The following HDAC9 variants were observed in gnomAD, a reference collection of about 807,000 sequenced individuals.
HDAC9 encodes histone deacetylase 9.
HDAC9 carries 41 observed loss-of-function variants against 139.4 expected under a neutral mutation model. That is an observed-to-expected ratio of 0.29 (90% confidence interval 0.23 to 0.38). The LOEUF (loss-of-function observed/expected upper bound fraction) is 0.38. Ranked by LOEUF, HDAC9 falls within the 10% of genes least tolerant of loss-of-function variation. The pLI is 1.00. For synonymous variants in HDAC9, 517 were observed against 476.2 expected (o/e 1.09, Z -1.12); for missense variants, 1,147 against 1,297.0 (o/e 0.88, Z 1.78).
intron 1 of HDAC9, among the ~76,000 whole-genome samples, chr7:18,120,920 T>C (rs1784330744): frequency 6.6e-6 from 1 of 152,126 alleles, no homozygotes. Flanking sequence ...AGGATGAGAG[T>C]TTACTTCCAC....
At chr7:18,742,593 T>A (rs1277880406) in intron 13 of HDAC9, among the ~76,000 whole-genome samples, 1 of 152,180 alleles carries the variant, frequency 6.6e-6, no homozygotes, top group Admixed American at 6.5e-5. Context: ...ATGTCCCAGG[T>A]ATTCCTGTAT....
At position 18,935,883 on chromosome 7, in the gene HDAC9, G is replaced by T. The variant is rs866142619; in HGVS notation, c.2878G>T (p.Asp960Tyr). The T allele has an allele frequency of 1.9e-6, 3 of 1,613,798 alleles. No individual in the cohort carries two copies. Residue 960 changes from aspartate (D) to tyrosine (Y), a missense_variant, in exon 23 of 26, where the codon GAT becomes TAT. By Grantham distance (160) the Asp-to-Tyr change is radical (BLOSUM62 -3). Around this residue, in one of 7 missense-constraint regions of HDAC9, gnomAD observed 407 missense variants for 521.5 expected, o/e 0.78. Coordinates refer to ENST00000686413, the MANE Select transcript of HDAC9 (RefSeq NM_178425.4). ...RVVLALEGGH[D>Y]LTAICDASEA... ...GGTGTTGGCTCTAGAAGGAGGACAT[G>T]ATCTCACAGCCATCTGTGATGCATC...
At chr7:18,861,622 C>G (rs769344425) in intron 21 of HDAC9, among the ~76,000 whole-genome samples, 46 of 152,226 alleles carry the variant, frequency 3.0e-4, no homozygotes, top group Non-Finnish European at 4.9e-4. Context: ...ACTCTTAGCT[C>G]AGAGACACAT....
intron 17 of HDAC9, among the ~76,000 whole-genome samples, chr7:18,818,962 G>T (rs537938298): frequency 4.6e-5 from 7 of 152,030 alleles, no homozygotes; most frequent in African/African-American, 1.7e-4. Flanking sequence ...CATAGCAATA[G>T]ACTTAGTTTA....
chr7:18,184,807 C>T (rs974550030), intron 2 of HDAC9, among the ~76,000 whole-genome samples: 2 of 152,122 alleles, frequency 1.3e-5, no homozygotes, highest in Admixed American at 6.5e-5. Context: ...ATAGTTGTGT[C>T]AGATATTTTA....
At chr7:18,988,704 C>G (rs901025462) in intron 25 of HDAC9, among the ~76,000 whole-genome samples, 2 of 150,958 alleles carry the variant, frequency 1.3e-5, no homozygotes, top group Non-Finnish European at 3.0e-5. Flanking sequence ...GTCTAAGTCT[C>G]TTTGTAGGTC....
At chr7:18,172,442 C>T (rs1012849893) in intron 2 of HDAC9, among the ~76,000 whole-genome samples, 1 of 152,104 alleles carries the variant, frequency 6.6e-6, no homozygotes, top group Non-Finnish European at 1.5e-5. Flanking sequence ...TTTTATGTCT[C>T]TATCTCCTTC....
At chr7:18,580,997 A>G (rs1283179653) in intron 2 of HDAC9, among the ~76,000 whole-genome samples, 1 of 152,156 alleles carries the variant, frequency 6.6e-6, no homozygotes, top group Non-Finnish European at 1.5e-5. Context: ...CCCACAATGC[A>G]ATTAATGTTA....
chr7:18,766,903 A>C (rs1165454677), intron 15 of HDAC9, among the ~76,000 whole-genome samples: 2 of 152,142 alleles, frequency 1.3e-5, no homozygotes, highest in Non-Finnish European at 2.9e-5. Context: ...ATTTGCTTTT[A>C]GTTCTTATTT....
intron 1 of HDAC9, among the ~76,000 whole-genome samples, chr7:18,298,641 C>T (rs1234259006): frequency 6.6e-6 from 1 of 152,142 alleles, no homozygotes; most frequent in African/African-American, 2.4e-5. Flanking sequence ...AGATAATTTT[C>T]AAAAGTTTTT....
At chr7:18,465,087 T>C (rs1204450581) in intron 1 of HDAC9, among the ~76,000 whole-genome samples, 1 of 152,120 alleles carries the variant, frequency 6.6e-6, no homozygotes, top group Non-Finnish European at 1.5e-5. Flanking sequence ...TAGAGCTTTT[T>C]TAGTTCTTTC....
chr7:18,452,979 A>G (rs1267446218), intron 1 of HDAC9, among the ~76,000 whole-genome samples: 1 of 152,202 alleles, frequency 6.6e-6, no homozygotes, highest in African/African-American at 2.4e-5. Flanking sequence ...TCAAGGAAAC[A>G]ATAAAATGTT....
At chr7:18,256,865 A>G (rs1007999223) in intron 2 of HDAC9, among the ~76,000 whole-genome samples, 1 of 151,922 alleles carries the variant, frequency 6.6e-6, no homozygotes, top group Admixed American at 6.6e-5. Flanking sequence ...AGGTAGGGGG[A>G]TTGCTTGAGC....
intron 23 of HDAC9, among the ~76,000 whole-genome samples, chr7:18,941,064 C>T (rs957516772): frequency 3.3e-5 from 5 of 152,050 alleles, no homozygotes; most frequent in African/African-American, 1.2e-4. Flanking sequence ...TCCTCTAGTA[C>T]TGCAAGTTCA....
chr7:18,529,795 T>A (rs531322722), intron 2 of HDAC9, among the ~76,000 whole-genome samples: 24 of 152,306 alleles, frequency 1.6e-4, no homozygotes, highest in South Asian at 6.2e-4. Flanking sequence ...CCAATTTTTT[T>A]AAATCTTTAT....
At chr7:18,499,218 T>G (rs1797732036) in intron 2 of HDAC9, among the ~76,000 whole-genome samples, 1 of 152,168 alleles carries the variant, frequency 6.6e-6, no homozygotes, top group Non-Finnish European at 1.5e-5. Flanking sequence ...GGTTATGTTG[T>G]GTAATTTCTT....
At chr7:18,843,761 AAAG>A (rs1796734927) in intron 21 of HDAC9, among the ~76,000 whole-genome samples, 2 of 152,294 alleles carry the variant, frequency 1.3e-5, no homozygotes, top group South Asian at 4.1e-4. Flanking sequence ...AATGTGGAAA[AAAG>A]AGATTGAATG....
chr7:18,374,796 C>G (rs1784864243), intron 1 of HDAC9, among the ~76,000 whole-genome samples: 1 of 151,834 alleles, frequency 6.6e-6, no homozygotes, highest in South Asian at 2.1e-4. Flanking sequence ...TGCTGCATAA[C>G]AATGTTTGGG....
At chr7:18,385,218 A>C (rs538833353) in intron 1 of HDAC9, among the ~76,000 whole-genome samples, 174 of 152,298 alleles carry the variant, frequency 1.1e-3, no homozygotes, top group Non-Finnish European at 6.9e-4. Context: ...TCAAATAAAC[A>C]CATTACAGCT....
Sources: gnomAD v4.1 joint callset for allele counts (sites outside exome capture counted in the v4.1 genomes callset) on GRCh38, gnomAD v4.1.1 for gene constraint, gnomAD v4.1.1 regional missense constraint, MANE v1.5 for transcripts, NCBI Gene and HGNC (gene_info 2026-07-23, HGNC 2026-07-21) for gene names.